The following LRP6 variants were observed in gnomAD, a reference collection of about 807,000 sequenced individuals.
The protein encoded by LRP6 is low-density lipoprotein receptor-related protein 6.
A neutral mutation model predicts 184.1 loss-of-function variants in LRP6; 43 were observed. The ratio of observed to expected loss-of-function variants is 0.23; its 90% CI spans 0.18 to 0.30. LRP6 has a LOEUF of 0.30. Ranked by LOEUF, LRP6 falls within the 10% of genes least tolerant of loss-of-function variation. The pLI is 1.00. For missense variants in LRP6, 1,571 were observed against 2,005.3 expected, an observed-to-expected ratio of 0.78 and a Z score of 4.14; for synonymous variants, 719 against 684.9, an observed-to-expected ratio of 1.05 and a Z score of -0.78.
intron 6 of LRP6, among the ~76,000 whole-genome samples, chr12:12,180,241 T>C (rs1196059682): frequency 4.3e-4 from 10 of 23,082 alleles, no homozygotes; most frequent in African/African-American, 8.8e-4. Context: ...GTTTTACTTC[T>C]TTTTTTTTTT....
chr12:12,244,670 G>A lies in LRP6; in HGVS notation c.56-15C>T. On this transcript the variant is annotated splice_polypyrimidine_tract_variant and intron_variant, in intron 1 of 22. Transcript: ENST00000261349. ...CAAAGGGGCCGCTAGAACAAAAAAA[G>A]AAAAATATGTAAGTGAAAAGGAAGA... is the stretch of plus-strand genomic sequence containing the variant. 6.2e-7 allele frequency: 1 copy of A among 1,612,692 alleles called. No individual in the cohort carries two copies. Among genetic ancestry groups the A allele is most frequent in the South Asian group, 1.1e-5 (1 of 90,850 alleles).
Position 12,203,083 on chromosome 12 carries a change from C to G in LRP6, c.647+120G>C, listed in dbSNP as rs1438881423. The G allele has an allele frequency of 5.9e-6, 4 of 672,726 alleles. No homozygotes were observed. The African/African-American group carries it at 7.3e-5, about 12-fold the overall frequency. 41.7% of individuals were successfully genotyped at this position (672,726 alleles called of 1,614,324 possible). A position where few individuals can be genotyped will look rare whatever the true frequency, so the allele number is the denominator to read the frequency against. On this transcript the variant is annotated intron_variant, in intron 3 of 22. Coordinates refer to ENST00000261349, the MANE Select transcript of LRP6 (RefSeq NM_002336.3). Reference sequence around the variant, plus strand: ...TTAAAGAGCTAACTAAAAGACTATTCTTCTTCCCCTCTGGCACTTAGTCAA... The same window carrying G: ...TTAAAGAGCTAACTAAAAGACTATTGTTCTTCCCCTCTGGCACTTAGTCAA...
intron 2 of LRP6, among the ~76,000 whole-genome samples, chr12:12,225,412 C>G (rs1006144327): frequency 3.3e-5 from 5 of 152,286 alleles, no homozygotes; most frequent in South Asian, 4.1e-4. Flanking sequence ...TTTATCAAAG[C>G]AGAAATCCAC....
intron 1 of LRP6, among the ~76,000 whole-genome samples, chr12:12,244,961 C>T (rs1865150979): frequency 6.6e-6 from 1 of 152,304 alleles, no homozygotes; most frequent in South Asian, 2.1e-4. Context: ...TACTGGAACA[C>T]TCATACTCTA....
In LRP6 at chr12:12,253,589, A is replaced by G. The variant is rs867886963; in HGVS notation, c.56-8934T>C. Among the ~76,000 whole-genome samples, 15 of 83,878 alleles carry G rather than the reference A, an allele frequency of 1.8e-4. No homozygotes were observed. In the South Asian group the frequency reaches 1.8e-3, roughly 10 times the overall value. The allele number at this position is 83,878 out of a possible 152,430, so 55.0% of individuals were successfully genotyped here. ...CCCCTCCCCCCTCCCCCCACCCCAC[A>G]ACAGGACCTGGTGTGTGATGTTCCC... is the stretch of plus-strand genomic sequence containing the variant. On this transcript the variant is annotated intron_variant, in intron 1 of 22. Coordinates refer to ENST00000261349, the MANE Select transcript of LRP6 (RefSeq NM_002336.3).
chr12:12,158,316 A>G (rs1862649759), intron 12 of LRP6, among the ~76,000 whole-genome samples: 1 of 152,128 alleles, frequency 6.6e-6, no homozygotes, highest in African/African-American at 2.4e-5. Flanking sequence ...GTCCAAGGGT[A>G]AAAGACTTAA....
rs370137164 is a variant in LRP6 at position 12,218,226 on chromosome 12, G to A, written c.450-14826C>T. Among the ~76,000 whole-genome samples the A allele has an allele frequency of 4.6e-5, 7 of 152,150 alleles. No individual in the cohort carries two copies. In the South Asian group the frequency reaches 1.0e-3, roughly 23 times the overall value. ...AGTGGTTCATACCTATAGTCCCAGCGACTGGGGAGGCCAAAGTGGGAGGAC... is the reference window on the plus strand; with the variant it reads ...AGTGGTTCATACCTATAGTCCCAGCAACTGGGGAGGCCAAAGTGGGAGGAC... On this transcript the variant is annotated intron_variant, in intron 2 of 22. Coordinates refer to ENST00000261349, the MANE Select transcript of LRP6 (RefSeq NM_002336.3).
chr12:12,178,621 A>G (rs534459062), intron 7 of LRP6, among the ~76,000 whole-genome samples: 14 of 152,360 alleles, frequency 9.2e-5, no homozygotes, highest in African/African-American at 3.1e-4. Flanking sequence ...TGTCTGAAAC[A>G]TAAACTCATA....
At chr12:12,239,271 T>C (rs1591977712) in intron 2 of LRP6, among the ~76,000 whole-genome samples, 2 of 152,324 alleles carry the variant, frequency 1.3e-5, no homozygotes, top group Non-Finnish European at 1.5e-5. Flanking sequence ...TTTTAAATAA[T>C]TGGCTATCTG....
intron 2 of LRP6, among the ~76,000 whole-genome samples, chr12:12,243,339 GAGTT>G (rs1397961019): frequency 2.6e-5 from 4 of 151,926 alleles, no homozygotes; most frequent in Non-Finnish European, 5.9e-5. Context: ...AACTAGAAAT[GAGTT>G]ATTTAATAAT....
chr12:12,147,623 A>T, intron 14 of LRP6, 67 bp from the exon 15 acceptor site: 2 of 1,193,548 alleles, frequency 1.7e-6, no homozygotes, highest in Non-Finnish European at 2.5e-6. Flanking sequence ...GGATATTCTT[A>T]TTAAGACAAA....
At chr12:12,155,186 ACT>A (rs757134802) in intron 12 of LRP6, 117 of 561,484 alleles carry the variant, frequency 2.1e-4, no homozygotes, top group Non-Finnish European at 3.1e-4. Flanking sequence ...ACAGTGTGAG[ACT>A]CTGTCTCAAA....
intron 7 of LRP6, among the ~76,000 whole-genome samples, chr12:12,175,756 A>C (rs1015143735): frequency 6.6e-6 from 1 of 150,764 alleles, no homozygotes; most frequent in African/African-American, 2.4e-5. Flanking sequence ...AAAAAGAAAA[A>C]AGAAACTGTG....
In LRP6 at chr12:12,131,910, T is replaced by C. The variant is rs767105471; in HGVS notation, c.3881A>G (p.Gln1294Arg). 6.2e-7 allele frequency: 1 copy of C among 1,614,222 alleles called. No individual in the cohort carries two copies. Among genetic ancestry groups the C allele is most frequent in the Admixed American group, 1.7e-5 (1 of 60,018 alleles). Residue 1294 changes from glutamine (Q) to arginine (R), a missense_variant, in exon 18 of 23, where the codon CAG becomes CGG. Gln to Arg is a conservative substitution (Grantham distance 43). Coordinates refer to ENST00000261349, the MANE Select transcript of LRP6 (RefSeq NM_002336.3). ...ATCAATACACTGCCCACTGGCACAC[T>C]GGAACTGGGACTCTGAGCATACAGG... ...NCPVCSESQF[Q>R]CASGQCIDGA... is the part of the protein sequence containing the mutation.
chr12:12,208,897 T>C (rs1462323795), intron 2 of LRP6, among the ~76,000 whole-genome samples: 2 of 152,322 alleles, frequency 1.3e-5, no homozygotes, highest in Admixed American at 6.5e-5. Context: ...CACAAATCAA[T>C]TGATATTTCC....
chr12:12,215,900 T>C (rs932576134), intron 2 of LRP6, among the ~76,000 whole-genome samples: 3 of 151,808 alleles, frequency 2.0e-5, no homozygotes, highest in African/African-American at 4.8e-5. Flanking sequence ...TAATCCCAGC[T>C]ACTTGGGAAG....
In LRP6 at chr12:12,126,828, A is replaced by G. The variant is rs373215297; in HGVS notation, c.4175T>C (p.Phe1392Ser). The change falls in exon 20 of 23, where the codon TTT becomes TCT. Residue 1392 changes from phenylalanine (F) to serine (S), a missense_variant. Physicochemically the swap from Phe to Ser is radical, Grantham distance 155. Coordinates refer to ENST00000261349, the MANE Select transcript of LRP6 (RefSeq NM_002336.3). ...VTIFVSGTVYFICQRMLCPRM... is the reference protein window; with the variant it reads ...VTIFVSGTVYSICQRMLCPRM... The stretch of plus-strand genomic sequence containing the variant: ...TGGACACAACATCCTCTGGCAGATA[A>G]AGTATACAGTTCCAGACACAAAAAT... 4 of 1,614,140 alleles carry G rather than the reference A, an allele frequency of 2.5e-6. No individual in the cohort carries two copies. The highest frequency in any genetic ancestry group is 3.4e-6 in the Non-Finnish European group (4 of 1,179,990).
At chr12:12,141,223 A>C (rs931804448) in intron 15 of LRP6, among the ~76,000 whole-genome samples, 1 of 151,984 alleles carries the variant, frequency 6.6e-6, no homozygotes, top group Admixed American at 6.6e-5. Context: ...AGAGAAAGAA[A>C]AAAGGAAAGA....
chr12:12,220,205 T>C (rs548267529), intron 2 of LRP6, among the ~76,000 whole-genome samples: 1 of 152,050 alleles, frequency 6.6e-6, no homozygotes, highest in Non-Finnish European at 1.5e-5. Flanking sequence ...GGAGGATCAC[T>C]TGAACCCAGG....
Sources: allele counts gnomAD v4.1 joint callset (sites outside exome capture counted in the v4.1 genomes callset), GRCh38; gene constraint gnomAD v4.1.1; transcripts MANE v1.5; gene names NCBI Gene and HGNC (gene_info 2026-07-23, HGNC 2026-07-21).